EMCN: variants seen among roughly 807,000 people sequenced by gnomAD.
The protein encoded by EMCN is MUC-14.
A neutral mutation model predicts 38.4 loss-of-function variants in EMCN; 37 were observed. The ratio of observed to expected loss-of-function variants is 0.96; its 90% CI spans 0.74 to 1.27. The LOEUF is 1.27. EMCN is among the 50% of genes most tolerant of loss of function. The pLI is 0.00. For synonymous variants in EMCN, 95 were observed against 100.8 expected (o/e 0.94, Z 0.35); for missense variants, 318 against 302.8 (o/e 1.05, Z -0.37).
At chr4:100,431,630 C>G (rs1727201696) in intron 5 of EMCN, among the ~76,000 whole-genome samples, 1 of 152,110 alleles carries the variant, frequency 6.6e-6, no homozygotes, top group African/African-American at 2.4e-5. Context: ...GTTCTCAGGC[C>G]TTTGGACTCA....
intron 4 of EMCN, among the ~76,000 whole-genome samples, chr4:100,464,371 A>T (rs1464693860): frequency 6.6e-6 from 1 of 152,040 alleles, no homozygotes; most frequent in Non-Finnish European, 1.5e-5. Context: ...TTCAATCTAA[A>T]TGTATCTATG....
chr4:100,512,424 A>G (rs769849408), intron 1 of EMCN, among the ~76,000 whole-genome samples: 2 of 152,176 alleles, frequency 1.3e-5, no homozygotes, highest in Non-Finnish European at 2.9e-5. Flanking sequence ...GTCAAAAGGT[A>G]CTGTTAGCCT....
intron 5 of EMCN, among the ~76,000 whole-genome samples, chr4:100,431,229 T>TA (rs1472966698): frequency 6.6e-6 from 1 of 152,116 alleles, no homozygotes; most frequent in Non-Finnish European, 1.5e-5. Context: ...TTAAGGAAAG[T>TA]AAAAAAGATA....
chr4:100,413,163 A>C (rs539723019), intron 10 of EMCN, among the ~76,000 whole-genome samples: 3 of 152,224 alleles, frequency 2.0e-5, no homozygotes, highest in African/African-American at 7.2e-5. Context: ...TTACCCTTCT[A>C]TGCTCATTAA....
chr4:100,476,234 C>T (rs1171662808), intron 2 of EMCN, among the ~76,000 whole-genome samples: 2 of 139,996 alleles, frequency 1.4e-5, no homozygotes, highest in African/African-American at 5.3e-5. Context: ...CCCTTCCTTC[C>T]TTCTTTCTTT....
intron 1 of EMCN, among the ~76,000 whole-genome samples, chr4:100,489,929 T>C (rs1408833096): frequency 6.6e-6 from 1 of 152,098 alleles, no homozygotes; most frequent in Non-Finnish European, 1.5e-5. Context: ...TATTTTAGAG[T>C]GTACATCTAT....
chr4:100,504,574 A>G (rs567166223), intron 1 of EMCN, among the ~76,000 whole-genome samples: 1 of 126,270 alleles, frequency 7.9e-6, no homozygotes, highest in East Asian at 4.1e-4. Context: ...CAGGCCATAC[A>G]GAGATAGGAG....
chr4:100,414,348 C>CTTTTTTTTTT (rs5860622), intron 10 of EMCN, among the ~76,000 whole-genome samples: 1 of 59,810 alleles, frequency 1.7e-5, no homozygotes, highest in Non-Finnish European at 3.4e-5. Context: ...TGCTTGAGCA[C>CTTTTTTTTTT]TTTTTTTTTT....
chr4:100,475,658 CCTTTTTTTTT>C (rs1269423594), intron 2 of EMCN, among the ~76,000 whole-genome samples: 3,464 of 108,038 alleles, frequency 0.032, 490 homozygotes, highest in African/African-American at 0.11. Flanking sequence ...CAATTCTAGT[CCTTTTTTTTT>C]TTTTTTTTTT....
At chr4:100,501,686 A>G (rs949917350) in intron 1 of EMCN, among the ~76,000 whole-genome samples, 1 of 152,132 alleles carries the variant, frequency 6.6e-6, no homozygotes, top group African/African-American at 2.4e-5. Context: ...TTATTCTCAT[A>G]CAAATAATGC....
chr4:100,424,006 CT>C (rs900521712), intron 5 of EMCN, among the ~76,000 whole-genome samples: 4 of 151,212 alleles, frequency 2.6e-5, no homozygotes, highest in Non-Finnish European at 5.9e-5. Context: ...CATCCGTGCT[CT>C]TTTTTTTCCA....
chr4:100,419,563 A>G (rs1178280587), intron 8 of EMCN, among the ~76,000 whole-genome samples: 1 of 152,154 alleles, frequency 6.6e-6, no homozygotes, highest in Non-Finnish European at 1.5e-5. Flanking sequence ...TCCTATGTAA[A>G]GTAATTTTTA....
intron 4 of EMCN, among the ~76,000 whole-genome samples, chr4:100,448,016 T>C (rs72923865): frequency 0.046 from 7,011 of 151,922 alleles, 569 homozygotes; most frequent in African/African-American, 0.16. Context: ...TGAGATAACA[T>C]AGAAAACAAA....
At chr4:100,496,902 A>G (rs1729220685) in intron 1 of EMCN, among the ~76,000 whole-genome samples, 1 of 152,188 alleles carries the variant, frequency 6.6e-6, no homozygotes, top group Non-Finnish European at 1.5e-5. Flanking sequence ...TCTCCAAATC[A>G]GTCATGAAGG....
At chr4:100,415,367 G>C (rs1726698452) in intron 10 of EMCN, among the ~76,000 whole-genome samples, 1 of 151,992 alleles carries the variant, frequency 6.6e-6, no homozygotes, top group African/African-American at 2.4e-5. Flanking sequence ...CCTATATTTT[G>C]AAAGACTTTT....
chr4:100,483,376 C>T (rs1350405147), intron 1 of EMCN: 1 of 152,074 alleles, frequency 6.6e-6, no homozygotes, highest in Non-Finnish European at 1.5e-5. Flanking sequence ...TTATGCAAAG[C>T]TACATACCTC....
intron 5 of EMCN, among the ~76,000 whole-genome samples, chr4:100,441,834 T>C (rs1727528479): frequency 6.6e-6 from 1 of 152,210 alleles, no homozygotes; most frequent in African/African-American, 2.4e-5. Context: ...TAATATTGTA[T>C]ATTTATTAAC....
intron 2 of EMCN, 37 bp from the exon 3 acceptor site, chr4:100,475,146 T>A: frequency 1.9e-6 from 2 of 1,054,746 alleles, no homozygotes; most frequent in South Asian, 3.8e-5. Flanking sequence ...TTATTAATCA[T>A]AATCTCATGT....
intron 1 of EMCN, among the ~76,000 whole-genome samples, chr4:100,494,117 C>G (rs1050183796): frequency 5.9e-5 from 9 of 152,122 alleles, no homozygotes; most frequent in Admixed American, 2.6e-4. Flanking sequence ...AAGAGGCCAT[C>G]ATGTATTTAT....
Sources: allele counts gnomAD v4.1 joint callset (sites outside exome capture counted in the v4.1 genomes callset), GRCh38; gene constraint gnomAD v4.1.1; transcripts MANE v1.5; gene names NCBI Gene and HGNC (gene_info 2026-07-23, HGNC 2026-07-21).